The following KLHL29 variants were observed in gnomAD, a reference collection of about 807,000 sequenced individuals.
The protein encoded by KLHL29 is kelch like family member 29, also known as kelch-like protein 29.
A neutral mutation model predicts 80.4 loss-of-function variants in KLHL29; 21 were observed. That is an observed-to-expected ratio of 0.26 (90% CI 0.19 to 0.38). The LOEUF (loss-of-function observed/expected upper bound fraction) is 0.38, where lower values mean the gene tolerates loss of function less well. KLHL29 is among the 10% of genes least tolerant of loss of function. The pLI, the probability that KLHL29 is intolerant of heterozygous loss-of-function variation, is 1.00. For missense variants in KLHL29, 867 were observed against 1,223.9 expected, an observed-to-expected ratio of 0.71 and a Z score of 4.35; for synonymous variants, 511 against 526.8, an observed-to-expected ratio of 0.97 and a Z score of 0.41.
At chr2:23,644,128 T>A (rs1022498692) in intron 5 of KLHL29, 1 of 152,224 alleles carries the variant, frequency 6.6e-6, no homozygotes, top group Non-Finnish European at 1.5e-5. Flanking sequence ...TGCCTTTGTT[T>A]TGGAAATCAG....
intron 3 of KLHL29, among the ~76,000 whole-genome samples, chr2:23,600,171 A>C (rs1428896064): frequency 6.6e-6 from 1 of 152,244 alleles, no homozygotes; most frequent in Non-Finnish European, 1.5e-5. Flanking sequence ...AATTTTTGAC[A>C]TAAAAATGTA....
intron 6 of KLHL29, among the ~76,000 whole-genome samples, chr2:23,687,587 C>T (rs1017971755): frequency 6.6e-6 from 1 of 152,180 alleles, no homozygotes; most frequent in East Asian, 1.9e-4. Flanking sequence ...ACGCTGCAGA[C>T]AGGCAAGGAG....
At chr2:23,417,375 C>A (rs919533796) in intron 1 of KLHL29, among the ~76,000 whole-genome samples, 1 of 152,136 alleles carries the variant, frequency 6.6e-6, no homozygotes. Context: ...ATGGAGTGAC[C>A]GAAGTGAATC....
chr2:23,704,612 C>A (rs539700315), intron 13 of KLHL29, among the ~76,000 whole-genome samples: 1 of 152,150 alleles, frequency 6.6e-6, no homozygotes, highest in East Asian at 1.9e-4. Context: ...ACTAAAAATA[C>A]AAAAATTTGC....
intron 8 of KLHL29, among the ~76,000 whole-genome samples, chr2:23,693,911 G>A (rs1671780056): frequency 6.6e-6 from 1 of 152,230 alleles, no homozygotes; most frequent in African/African-American, 2.4e-5. Flanking sequence ...GGAAGAGGGA[G>A]AGTGAGGTCC....
chr2:23,615,276 A>G (rs1185108145), intron 3 of KLHL29, among the ~76,000 whole-genome samples: 4 of 151,864 alleles, frequency 2.6e-5, no homozygotes, highest in Admixed American at 2.6e-4. Flanking sequence ...TGTAAATGCA[A>G]CCTCCTCCTA....
chr2:23,662,582 C>T (rs1323564003), intron 5 of KLHL29, among the ~76,000 whole-genome samples: 1 of 152,208 alleles, frequency 6.6e-6, no homozygotes, highest in Admixed American at 6.5e-5. Flanking sequence ...GGCCTTCCCT[C>T]CCTCCCCAAA....
chr2:23,555,019 T>C (rs1295007548), intron 2 of KLHL29, among the ~76,000 whole-genome samples: 2 of 151,984 alleles, frequency 1.3e-5, no homozygotes, highest in African/African-American at 4.8e-5. Context: ...GCCTGGGACA[T>C]GAGGGCACTT....
chr2:23,449,257 G>T (rs980307413), intron 1 of KLHL29, among the ~76,000 whole-genome samples: 3 of 152,188 alleles, frequency 2.0e-5, no homozygotes, highest in African/African-American at 7.2e-5. Context: ...CTCTTGAGCT[G>T]GCTCTGAATC....
At chr2:23,493,566 CT>C (rs980393991) in intron 2 of KLHL29, among the ~76,000 whole-genome samples, 12 of 152,094 alleles carry the variant, frequency 7.9e-5, no homozygotes, top group African/African-American at 2.9e-4. Flanking sequence ...TCATCAAAAA[CT>C]TTTTTAAATC....
At chr2:23,504,989 A>AG (rs1273893894) in intron 2 of KLHL29, among the ~76,000 whole-genome samples, 1 of 152,276 alleles carries the variant, frequency 6.6e-6, no homozygotes, top group East Asian at 1.9e-4. Flanking sequence ...TGCTGCCATG[A>AG]GGGGGACAGT....
chr2:23,462,529 G>A (rs774853737), intron 1 of KLHL29, among the ~76,000 whole-genome samples: 29 of 152,214 alleles, frequency 1.9e-4, no homozygotes, highest in Non-Finnish European at 3.7e-4. Context: ...TGGTAGGACA[G>A]AGAATTCTCT....
rs151054974 is a variant in KLHL29 at position 23,452,098 on chromosome 2, A to G, written c.-153-23462A>G. 3.4e-4 allele frequency among the ~76,000 whole-genome samples: 52 copies of G among 152,000 alleles called. No individual in the cohort carries two copies. The East Asian group carries it at 9.3e-3, about 27-fold the overall frequency. On this transcript the variant is annotated intron_variant, in intron 1 of 13. Coordinates refer to ENST00000486442, the MANE Select transcript of KLHL29 (RefSeq NM_052920.2). ...GCGATCACATCTCATTCAAGCCCCA[A>G]TCTCCTGCCCTCAGTTGATCCTCCC...
chr2:23,503,039 T>A lies in KLHL29; in HGVS notation c.-46+27372T>A, dbSNP rs1558362477. ...GTATTTTCCTCTTTAATCATAAGGA[T>A]TTACATCAGGAAAAATAACCTGAGA... is the stretch of plus-strand genomic sequence containing the variant. On this transcript the variant is annotated intron_variant, in intron 2 of 13. Transcript: ENST00000486442. This position sits in a 1 kb window ranked among gnomAD's most constrained non-coding sequence, Gnocchi z 4.0. Among the ~76,000 whole-genome samples, 1 of 152,216 alleles carries A rather than the reference T, an allele frequency of 6.6e-6. No homozygotes were observed. The highest frequency in any genetic ancestry group is 1.5e-5 in the Non-Finnish European group (1 of 68,032).
intron 1 of KLHL29, among the ~76,000 whole-genome samples, chr2:23,443,361 C>G (rs1335830610): frequency 6.6e-6 from 1 of 152,210 alleles, no homozygotes; most frequent in Admixed American, 6.5e-5. Flanking sequence ...CCACAATCAT[C>G]TAACATACAG....
intron 2 of KLHL29, among the ~76,000 whole-genome samples, chr2:23,483,289 A>T (rs1239234525): frequency 6.6e-6 from 1 of 152,246 alleles, no homozygotes; most frequent in African/African-American, 2.4e-5. Context: ...CTATGCATTT[A>T]TATGTGTGTG....
intron 3 of KLHL29, among the ~76,000 whole-genome samples, chr2:23,570,057 T>G (rs1418671102): frequency 3.9e-5 from 6 of 152,202 alleles, no homozygotes; most frequent in Admixed American, 2.6e-4. Flanking sequence ...GGCTGCTGTC[T>G]CAACTAGTCG....
chr2:23,625,993 C>T (rs1032355776), intron 3 of KLHL29, among the ~76,000 whole-genome samples: 1 of 152,098 alleles, frequency 6.6e-6, no homozygotes, highest in Non-Finnish European at 1.5e-5. Flanking sequence ...GCCTCCTTGA[C>T]TGTGAGGAAT....
intron 1 of KLHL29, among the ~76,000 whole-genome samples, chr2:23,387,874 G>C (rs1171801688): frequency 1.3e-5 from 2 of 152,050 alleles, no homozygotes; most frequent in African/African-American, 2.4e-5. Context: ...TGGTTTATGG[G>C]CTGATGCATC....
Sources: allele counts gnomAD v4.1 joint callset (sites outside exome capture counted in the v4.1 genomes callset), GRCh38; gene constraint gnomAD v4.1.1; non-coding constraint Gnocchi (gnomAD v3.1); transcripts MANE v1.5; gene names NCBI Gene and HGNC (gene_info 2026-07-23, HGNC 2026-07-21).